Variants in EHMT1 observed in about 807,000 individuals in gnomAD.
EHMT1 encodes the protein euchromatic histone lysine methyltransferase 1.
Under a neutral mutation model 147.2 loss-of-function variants are expected in EHMT1, and 15 were observed. That is an observed-to-expected ratio of 0.10 (90% CI 0.07 to 0.16). The LOEUF (loss-of-function observed/expected upper bound fraction) is 0.16, where lower values mean the gene tolerates loss of function less well. Among genes scored for constraint, EHMT1 ranks in the 10% least tolerant of loss-of-function variants. The pLI, the probability that EHMT1 is intolerant of heterozygous loss-of-function variation, is 1.00. For missense variants in EHMT1, 1,587 were observed against 1,772.4 expected, an observed-to-expected ratio of 0.90 and a Z score of 1.88; for synonymous variants, 795 against 709.6, an observed-to-expected ratio of 1.12 and a Z score of -1.91.
At chr9:137,662,742 G>T (rs1939209089) in intron 1 of EHMT1, among the ~76,000 whole-genome samples, 3 of 151,698 alleles carry the variant, frequency 2.0e-5, no homozygotes, top group South Asian at 4.2e-4. Context: ...CTTGTGCTGG[G>T]ATTACAGGCG....
At chr9:137,715,151 G>A (rs979104233) in intron 2 of EHMT1, among the ~76,000 whole-genome samples, 1 of 152,198 alleles carries the variant, frequency 6.6e-6, no homozygotes, top group African/African-American at 2.4e-5. Flanking sequence ...GATTGTGTCA[G>A]ATGCAGGTGG....
At chr9:137,631,192 C>G (rs1165289339) in intron 1 of EHMT1, among the ~76,000 whole-genome samples, 1 of 152,030 alleles carries the variant, frequency 6.6e-6, no homozygotes, top group Non-Finnish European at 1.5e-5. Context: ...AGTTCAAGAG[C>G]AGCCTGGCCA....
At chr9:137,735,908 C>T (rs1188163484) in intron 4 of EHMT1, among the ~76,000 whole-genome samples, 1 of 152,204 alleles carries the variant, frequency 6.6e-6, no homozygotes, top group Non-Finnish European at 1.5e-5. Flanking sequence ...GAGCATGAAG[C>T]CCTACCAGGT....
chr9:137,739,073 T>TA (rs775002104), intron 4 of EHMT1, among the ~76,000 whole-genome samples: 20,748 of 139,372 alleles, frequency 0.15, 3,221 homozygotes, highest in African/African-American at 0.4. Context: ...ATTTTACTAG[T>TA]AAAAAAAAAA....
At chr9:137,691,543 A>C (rs1016386400) in intron 1 of EHMT1, among the ~76,000 whole-genome samples, 2 of 152,144 alleles carry the variant, frequency 1.3e-5, no homozygotes, top group East Asian at 1.9e-4. Flanking sequence ...GTTGATGGAC[A>C]CTTGGGTTGC....
intron 25 of EHMT1, among the ~76,000 whole-genome samples, chr9:137,825,569 G>A (rs867347486): frequency 4.5e-4 from 69 of 152,320 alleles, no homozygotes; most frequent in African/African-American, 1.6e-3. Context: ...AGCACCAGCT[G>A]ACCCATCACA....
intron 1 of EHMT1, among the ~76,000 whole-genome samples, chr9:137,689,361 A>G (rs1942738240): frequency 6.6e-6 from 1 of 152,156 alleles, no homozygotes; most frequent in Non-Finnish European, 1.5e-5. Context: ...GTACTTTTTA[A>G]CATTATGAAA....
rs1335983013 is a variant in EHMT1 at position 137,813,571 on chromosome 9, T to C, written c.3180+41T>C. On this transcript the variant is annotated intron_variant, in intron 21 of 26. Coordinates refer to ENST00000460843, the MANE Select transcript of EHMT1 (RefSeq NM_024757.5). The surrounding 1 kb of genome is among the most constrained non-coding windows in gnomAD (Gnocchi z 4.9). ...TGAAGGGCTGACTCAGGCCAGGACA[T>C]GGGACAGGCAGAAGCTTCTTGAGCC... The C allele has an allele frequency of 2.5e-6, 4 of 1,611,846 alleles. No homozygotes were observed. Among genetic ancestry groups the C allele is most frequent in the Non-Finnish European group, 3.4e-6 (4 of 1,179,692 alleles).
rs543571522 is a variant in EHMT1 at position 137,677,802 on chromosome 9, T to C, written c.22-33165T>C. On this transcript the variant is annotated intron_variant, in intron 1 of 26. Coordinates refer to ENST00000460843, the MANE Select transcript of EHMT1 (RefSeq NM_024757.5). The stretch of plus-strand genomic sequence containing the variant: ...AGCCGAGCACGGTGGCTCACGCCTG[T>C]AATCCCAGCACTTTGGGAGGCGGAG... 1.2e-4 allele frequency among the ~76,000 whole-genome samples: 18 copies of C among 151,870 alleles called. No homozygotes were observed. The East Asian group carries it at 3.3e-3, about 28-fold the overall frequency.
intron 1 of EHMT1, chr9:137,667,313 G>A (rs1939776601): frequency 6.6e-6 from 1 of 152,204 alleles, no homozygotes; most frequent in African/African-American, 2.4e-5. Flanking sequence ...CTCCACCTGG[G>A]TTAGCTCAAC....
At chr9:137,689,268 G>T (rs1224159103) in intron 1 of EHMT1, among the ~76,000 whole-genome samples, 1 of 152,222 alleles carries the variant, frequency 6.6e-6, no homozygotes, top group Non-Finnish European at 1.5e-5. Context: ...TACATTGTAT[G>T]TGAGTTTGGT....
At chr9:137,757,689 A>G (rs1365449906) in intron 8 of EHMT1, among the ~76,000 whole-genome samples, 191 bp from the exon 9 acceptor site, 2 of 152,192 alleles carry the variant, frequency 1.3e-5, no homozygotes, top group African/African-American at 4.8e-5. Context: ...AATTAGCAAA[A>G]TAATATGCGG....
intron 1 of EHMT1, among the ~76,000 whole-genome samples, chr9:137,682,209 A>G (rs1039227041): frequency 2.6e-5 from 4 of 151,892 alleles, no homozygotes; most frequent in Middle Eastern, 3.2e-3. Flanking sequence ...CAGCCTCCCA[A>G]AGTGCTGGGA....
rs1358434760 is a variant in EHMT1 at position 137,786,712 on chromosome 9, G to A, written c.2383-4136G>A. 6.5e-6 allele frequency: 1 copy of A among 154,018 alleles called. No homozygotes were observed. Among genetic ancestry groups the A allele is most frequent in the Non-Finnish European group, 1.4e-5 (1 of 69,600 alleles). The allele number at this position is 154,018 out of a possible 1,614,324, so 9.5% of individuals were successfully genotyped here. ...GTCTCATGTGGTGTCATCTCCCCTG[G>A]GCTCCCATCTTGGCCGTGTGGCCTC... On this transcript the variant is annotated intron_variant, in intron 15 of 26. Coordinates refer to ENST00000460843, the MANE Select transcript of EHMT1 (RefSeq NM_024757.5). The surrounding 1 kb of genome is among the most constrained non-coding windows in gnomAD (Gnocchi z 4.3).
Position 137,791,205 on chromosome 9 carries a change from T to C in EHMT1, c.2505+235T>C, listed in dbSNP as rs138389460. Among the ~76,000 whole-genome samples the C allele has an allele frequency of 3.5e-4, 54 of 152,296 alleles. No individual in the cohort carries two copies. The East Asian group carries it at 9.4e-3, about 27-fold the overall frequency. On this transcript the variant is annotated intron_variant, in intron 16 of 26. Transcript: ENST00000460843. The stretch of plus-strand genomic sequence containing the variant: ...ACAGACAGGTGAGCGAATGACGGGT[T>C]TGCTGTGCAGAAGGTGTTCGCCTTA...
chr9:137,807,490 T>C (rs1049086878), intron 18 of EHMT1, among the ~76,000 whole-genome samples: 10 of 150,998 alleles, frequency 6.6e-5, no homozygotes, highest in African/African-American at 1.2e-4. Flanking sequence ...TATTTATTTA[T>C]TTATTTATTT....
chr9:137,796,310 C>G (rs374644898), intron 16 of EHMT1, among the ~76,000 whole-genome samples: 3 of 152,228 alleles, frequency 2.0e-5, no homozygotes, highest in Non-Finnish European at 4.4e-5. Context: ...TTAAGAATTT[C>G]TCTTCAAAAA....
chr9:137,624,473 G>C (rs1464355801), intron 1 of EHMT1, among the ~76,000 whole-genome samples: 1 of 151,862 alleles, frequency 6.6e-6, no homozygotes, highest in Non-Finnish European at 1.5e-5. Flanking sequence ...GCACCACCAC[G>C]CCTGGCTAAT....
At chr9:137,825,537 T>C (rs1955751423) in intron 25 of EHMT1, among the ~76,000 whole-genome samples, 1 of 152,054 alleles carries the variant, frequency 6.6e-6, no homozygotes, top group Non-Finnish European at 1.5e-5. Flanking sequence ...GGGCCATCAG[T>C]CTTGGGTGGG....
Sources: gnomAD v4.1 joint callset for allele counts (sites outside exome capture counted in the v4.1 genomes callset) on GRCh38, gnomAD v4.1.1 for gene constraint, Gnocchi (gnomAD v3.1) non-coding constraint, MANE v1.5 for transcripts, NCBI Gene and HGNC (gene_info 2026-07-23, HGNC 2026-07-21) for gene names.